Variants in PIGA observed in about 807,000 individuals in gnomAD.
PIGA encodes phosphatidylinositol N-acetylglucosaminyltransferase subunit A.
Under a neutral mutation model 17.1 loss-of-function variants are expected in PIGA, and 3 were observed. The ratio of observed to expected loss-of-function variants is 0.18; its 90% CI spans 0.08 to 0.45. The LOEUF (loss-of-function observed/expected upper bound fraction) is 0.45. PIGA is among the 20% of genes least tolerant of loss of function. The pLI, the probability that PIGA is intolerant of heterozygous loss-of-function variation, is 0.99. For synonymous variants in PIGA, 126 were observed against 135.1 expected (o/e 0.93, Z 0.47); for missense variants, 231 against 374.1 (o/e 0.62, Z 3.16).
chrX:15,325,274 C>T, intron 3 of PIGA, 122 bp from the exon 4 acceptor site: 4 of 605,550 alleles, frequency 6.6e-6, no homozygotes, highest in South Asian at 4.2e-5. Context: ...TAATGTTCTC[C>T]ACCTCAAGAT....
chrX:15,327,705 C>T (rs1034877494), intron 2 of PIGA: 2 of 111,513 alleles, frequency 1.8e-5, no homozygotes, highest in African/African-American at 6.5e-5. Context: ...CATTTTCTTC[C>T]TCACCCTTTT....
At chrX:15,321,933 A>G (rs2147715061) in intron 5 of PIGA, among the ~76,000 whole-genome samples, 161 bp from the exon 6 acceptor site, 1 of 112,121 alleles carries the variant, frequency 8.9e-6, no homozygotes, top group South Asian at 3.7e-4. Context: ...ATCCTTAATG[A>G]ACTTAATCAC....
intron 2 of PIGA, chrX:15,327,694 C>T (rs1463308106): frequency 1.8e-5 from 2 of 111,814 alleles, no homozygotes; most frequent in African/African-American, 6.5e-5. Flanking sequence ...TTCCTTCAAT[C>T]CATTTTCTTC....
At chrX:15,329,833 C>T (rs985531067) in intron 2 of PIGA, among the ~76,000 whole-genome samples, 3 of 111,595 alleles carry the variant, frequency 2.7e-5, no homozygotes, top group African/African-American at 9.8e-5. Context: ...GCCTGTTAAT[C>T]CCAGCATTTT....
intron 3 of PIGA, 53 bp from the exon 4 acceptor site, chrX:15,325,205 G>T (rs1921935741): frequency 1.9e-6 from 2 of 1,070,026 alleles, no homozygotes; most frequent in East Asian, 6.2e-5. Flanking sequence ...TGCTACAAAA[G>T]AAATTTAATT....
Position 15,331,236 on chromosome X carries a change from C to G in PIGA, c.695G>C (p.Ser232Thr), listed in dbSNP as rs1462199347. 1.7e-6 allele frequency: 2 copies of G among 1,194,127 alleles called. No homozygotes were observed. Among genetic ancestry groups the G allele is most frequent in the South Asian group, 3.6e-5 (2 of 55,652 alleles). The change falls in exon 2 of 6, where the codon AGC becomes ACC. Residue 232 changes from serine to threonine, a missense_variant. Physicochemically the swap from Ser to Thr is moderately conservative, Grantham distance 58. Coordinates refer to ENST00000333590, the MANE Select transcript of PIGA (RefSeq NM_002641.4). ...ATTACCTTTTCTGTAAACAAGTCTG[C>G]TGACAACAACAATAGTTATACTATC... is the stretch of plus-strand genomic sequence containing the variant. Reference protein sequence around the residue: ...RHDSITIVVVSRLVYRKGIDL... With the variant: ...RHDSITIVVVTRLVYRKGIDL...
rs367893617 is a variant in PIGA at position 15,331,186 on chromosome X, A to G, written c.715+30T>C. The G allele has an allele frequency of 2.6e-5, 28 of 1,068,409 alleles. No individual in the cohort carries two copies. In the Middle Eastern group the frequency reaches 8.2e-4, roughly 31 times the overall value. 88.0% of individuals were successfully genotyped at this position (1,068,409 alleles called of 1,213,427 possible). ...CAGCTTTCTATAGGGAAAAAAGTCT[A>G]CAATGCAATTATAGCTATCATTTCA... is the stretch of plus-strand genomic sequence containing the variant. On this transcript the variant is annotated intron_variant, in intron 2 of 5. Coordinates refer to ENST00000333590, the MANE Select transcript of PIGA (RefSeq NM_002641.4).
chrX:15,320,961 C>A lies in PIGA; in HGVS notation c.*545G>T, dbSNP rs1460002559. The A allele has an allele frequency of 6.2e-5, 7 of 112,970 alleles. No individual in the cohort carries two copies. Among genetic ancestry groups the A allele is most frequent in the Admixed American group, 9.3e-5 (1 of 10,698 alleles). The allele number at this position is 112,970 out of a possible 1,213,427, so 9.3% of individuals were successfully genotyped here. A position where few individuals can be genotyped will look rare whatever the true frequency, so the allele number is the denominator to read the frequency against. ...GCAGGGGTTCAAAATGTGCTGGTAA[C>A]TGATGGACTATCTTACTCAAGGAAC... On this transcript the variant is annotated 3_prime_UTR_variant, in exon 6 of 6. Coordinates refer to ENST00000333590, the MANE Select transcript of PIGA (RefSeq NM_002641.4).
At position 15,320,552 on chromosome X, in the gene PIGA, A is replaced by G. The variant is rs746705485; in HGVS notation, c.*954T>C. On this transcript the variant is annotated 3_prime_UTR_variant, in exon 6 of 6. Coordinates refer to ENST00000333590, the MANE Select transcript of PIGA (RefSeq NM_002641.4). ...GGACAGGGTAGCAGCTGGTTTTGGG[A>G]TGGCACACCTCGTACATTCTGCTCA... 8.9e-6 allele frequency: 1 copy of G among 112,374 alleles called. No homozygotes were observed. Among genetic ancestry groups the G allele is most frequent in the East Asian group, 2.8e-4 (1 of 3,607 alleles). 9.3% of individuals were successfully genotyped at this position (112,374 alleles called of 1,213,427 possible). A position where few individuals can be genotyped will look rare whatever the true frequency, so the allele number is the denominator to read the frequency against.
At chrX:15,325,259 G>T in intron 3 of PIGA, 107 bp from the exon 4 acceptor site, 1 of 690,587 alleles carries the variant, frequency 1.4e-6, no homozygotes, top group Non-Finnish European at 2.0e-6. Flanking sequence ...AATTCTTATT[G>T]CTGCTAATGT....
chrX:15,335,494 C>T lies in PIGA; in HGVS notation c.-63+7G>A, dbSNP rs1347328011. On this transcript the variant is annotated splice_region_variant and intron_variant, in intron 1 of 5. Coordinates refer to ENST00000333590, the MANE Select transcript of PIGA (RefSeq NM_002641.4). ...CGCTGGAGAGGGGCGGCGCGACGCG[C>T]ACTCACCGGTGAGTTCCATGGCCGC... The T allele has an allele frequency of 9.2e-6, 9 of 982,804 alleles. No individual in the cohort carries two copies. Among genetic ancestry groups the T allele is most frequent in the African/African-American group, 2.0e-5 (1 of 50,000 alleles). The allele number at this position is 982,804 out of a possible 1,213,427, so 81.0% of individuals were successfully genotyped here.
rs1429164489 is a variant in PIGA, at chrX:15,320,560, C to T, written c.*946G>A. On this transcript the variant is annotated 3_prime_UTR_variant, in exon 6 of 6. Transcript: ENST00000333590. The stretch of plus-strand genomic sequence containing the variant: ...TAGCAGCTGGTTTTGGGATGGCACA[C>T]CTCGTACATTCTGCTCAGAAAACAC... 1 of 112,148 alleles carries T rather than the reference C, an allele frequency of 8.9e-6. No homozygotes were observed. Among genetic ancestry groups the T allele is most frequent in the Non-Finnish European group, 1.9e-5 (1 of 53,264 alleles). The allele number at this position is 112,148 out of a possible 1,213,427, so 9.2% of individuals were successfully genotyped here.
intron 3 of PIGA, 83 bp from the exon 4 acceptor site, chrX:15,325,235 T>A (rs1206350902): frequency 4.5e-6 from 4 of 882,227 alleles, no homozygotes; most frequent in Non-Finnish European, 6.2e-6. Context: ...AGTCTGCTAT[T>A]TATATTACAC....
At chrX:15,330,060 G>C (rs777229565) in intron 2 of PIGA, among the ~76,000 whole-genome samples, 5 of 106,111 alleles carry the variant, frequency 4.7e-5, no homozygotes, top group Non-Finnish European at 9.7e-5. Flanking sequence ...ACTCCAGCCC[G>C]GGGGGTGACA....
At chrX:15,326,808 AAT>A (rs1226011406) in intron 2 of PIGA, 1 of 112,158 alleles carries the variant, frequency 8.9e-6, no homozygotes, top group Non-Finnish European at 1.9e-5. Flanking sequence ...ATTTTCTTAT[AAT>A]ATATAAACAC....
chrX:15,332,998 TA>T (rs758880066), intron 1 of PIGA, among the ~76,000 whole-genome samples: 31 of 111,816 alleles, frequency 2.8e-4, no homozygotes, highest in Non-Finnish European at 1.1e-4. Context: ...GGTGGTTTGG[TA>T]AAAAATAACA....
At chrX:15,324,063 T>A (rs1486526890) in intron 5 of PIGA, among the ~76,000 whole-genome samples, 2 of 112,488 alleles carry the variant, frequency 1.8e-5, no homozygotes, top group Non-Finnish European at 3.8e-5. Flanking sequence ...GTTAATCTAT[T>A]TCCTATACCT....
intron 3 of PIGA, 45 bp downstream of exon 3, chrX:15,325,869 T>TAATTGAC (rs1439353656): frequency 4.5e-6 from 5 of 1,113,735 alleles, no homozygotes; most frequent in Middle Eastern, 3.3e-4. Flanking sequence ...CAAATAGAGA[T>TAATTGAC]AATTGACATC....
At chrX:15,335,215 C>A in intron 1 of PIGA, 1 of 284,520 alleles carries the variant, frequency 3.5e-6, no homozygotes. Context: ...ATGGCCAGGC[C>A]CAAAGAGAGA....
Sources: gnomAD v4.1 joint callset for allele counts (sites outside exome capture counted in the v4.1 genomes callset) on GRCh38, gnomAD v4.1.1 for gene constraint, MANE v1.5 for transcripts, NCBI Gene and HGNC (gene_info 2026-07-23, HGNC 2026-07-21) for gene names.